Variants in COL5A2 observed in about 807,000 individuals in gnomAD.
COL5A2 encodes the protein collagen type V alpha 2 chain, also known as collagen alpha-2(V) chain.
A neutral mutation model predicts 208.2 loss-of-function variants in COL5A2; 23 were observed. That is an observed-to-expected ratio of 0.11 (90% CI 0.08 to 0.16). COL5A2 has a LOEUF of 0.16. COL5A2 is among the 10% of genes least tolerant of loss of function. The pLI is 1.00. For synonymous variants in COL5A2, 625 were observed against 628.5 expected, an observed-to-expected ratio of 0.99 and a Z score of 0.08; for missense variants, 1,590 against 1,956.4, an observed-to-expected ratio of 0.81 and a Z score of 3.53.
the COL5A2 span, among the ~76,000 whole-genome samples, chr2:189,313,157 T>A: frequency 6.0e-4 from 91 of 151,494 alleles, 2 homozygotes; most frequent in Non-Finnish European, 1.0e-3. Flanking sequence ...CAGACAAAAA[T>A]AGAGAAAAAA....
rs115471618 is a variant in COL5A2 at position 189,209,806 on chromosome 2, T to A, written c.-42+15342A>T. Among the ~76,000 whole-genome samples, 542 of 152,346 alleles carry A rather than the reference T, an allele frequency of 3.6e-3. 6 individuals carry two copies. Among genetic ancestry groups the A allele is most frequent in the African/African-American group, 0.012 (506 of 41,574 alleles). On this transcript the variant is annotated intron_variant, in intron 1 of 10. Transcript: ENST00000649966. Reference sequence around the variant, plus strand: ...AGAAAGATCAGTTTGGGGTTCCTGATAGGAATAACTAATTAATTCAGTTTT... The same window carrying A: ...AGAAAGATCAGTTTGGGGTTCCTGAAAGGAATAACTAATTAATTCAGTTTT...
chr2:189,248,870 T>TG, the COL5A2 span, among the ~76,000 whole-genome samples: 1 of 152,168 alleles, frequency 6.6e-6, no homozygotes, highest in Non-Finnish European at 1.5e-5. Flanking sequence ...CAACGTATGT[T>TG]TCTACATCAT....
chr2:189,092,342 G>T lies in COL5A2; in HGVS notation c.535C>A (p.Pro179Thr). The change falls in exon 7 of 54, where the codon CCG becomes ACG. Residue 179 changes from proline to threonine, a missense_variant. Pro to Thr is a conservative substitution (Grantham distance 38). Coordinates refer to ENST00000374866, the MANE Select transcript of COL5A2 (RefSeq NM_000393.5). ...AAGCCATCGGGTCCTGGGTGGGACGGATGTCCAGGAGGTCCTGGAGCACCA... is the reference window on the plus strand; with the variant it reads ...AAGCCATCGGGTCCTGGGTGGGACGTATGTCCAGGAGGTCCTGGAGCACCA... ...QPGAPGPPGH[P>T]SHPGPDGLSR... 3 of 1,609,794 alleles carry T rather than the reference G, an allele frequency of 1.9e-6. No individual in the cohort carries two copies. Among genetic ancestry groups the T allele is most frequent in the Non-Finnish European group, 2.5e-6 (3 of 1,177,948 alleles).
At chr2:189,232,578 A>G in the COL5A2 span, among the ~76,000 whole-genome samples, 1 of 151,750 alleles carries the variant, frequency 6.6e-6, no homozygotes, top group Admixed American at 6.6e-5. Flanking sequence ...TTTCTCCAGA[A>G]CAATATATTA....
In COL5A2 at chr2:189,085,137, G is replaced by C. The variant is rs770523676; in HGVS notation, c.798+23C>G. ...CCTTCGCCTCTTCAAAACCTGAATG[G>C]AAAATGAGGAAAGGTAGCTTACATC... On this transcript the variant is annotated intron_variant, in intron 11 of 53. Coordinates refer to ENST00000374866, the MANE Select transcript of COL5A2 (RefSeq NM_000393.5). 3 of 1,606,516 alleles carry C rather than the reference G, an allele frequency of 1.9e-6. No homozygotes were observed. The Admixed American group carries it at 5.0e-5, about 27-fold the overall frequency.
At chr2:189,428,490 C>G in the COL5A2 span, among the ~76,000 whole-genome samples, 1 of 152,110 alleles carries the variant, frequency 6.6e-6, no homozygotes, top group African/African-American at 2.4e-5. Flanking sequence ...TGGTGGCACG[C>G]ACCTGTAGTC....
chr2:189,321,742 C>T, the COL5A2 span, among the ~76,000 whole-genome samples: 3 of 152,096 alleles, frequency 2.0e-5, no homozygotes, highest in Non-Finnish European at 4.4e-5. Context: ...ACTTTAACAC[C>T]CCATTGTCAA....
chr2:189,320,163 G>T, the COL5A2 span, among the ~76,000 whole-genome samples: 3 of 152,300 alleles, frequency 2.0e-5, no homozygotes, highest in African/African-American at 4.8e-5. Context: ...AAACCCATCT[G>T]TACGTCACCA....
the COL5A2 span, among the ~76,000 whole-genome samples, chr2:189,401,045 A>ATTCTC: frequency 5.4e-5 from 2 of 37,136 alleles, no homozygotes; most frequent in South Asian, 2.2e-3. Flanking sequence ...TGTCCGAGTC[A>ATTCTC]TTCTTTTCTT....
the COL5A2 span, among the ~76,000 whole-genome samples, chr2:189,335,989 T>C: frequency 6.6e-6 from 1 of 152,128 alleles, no homozygotes; most frequent in Non-Finnish European, 1.5e-5. Flanking sequence ...GAGAATATGT[T>C]AAGAACATTT....
chr2:189,311,733 C>G, the COL5A2 span: 4 of 765,848 alleles, frequency 5.2e-6, no homozygotes. Context: ...CCTCAATCTG[C>G]TGAGACCAGT....
At chr2:189,344,303 G>A in the COL5A2 span, among the ~76,000 whole-genome samples, 4 of 152,064 alleles carry the variant, frequency 2.6e-5, no homozygotes, top group African/African-American at 9.7e-5. Context: ...AGTTTTAAAG[G>A]CCAAACCTTC....
the COL5A2 span, among the ~76,000 whole-genome samples, chr2:189,315,765 T>C: frequency 4.8e-3 from 731 of 152,166 alleles, 3 homozygotes; most frequent in South Asian, 0.012. Context: ...GTAAAATTAC[T>C]ATCAATTCTA....
the COL5A2 span, among the ~76,000 whole-genome samples, chr2:189,247,579 A>T: frequency 3.3e-5 from 5 of 149,406 alleles, no homozygotes; most frequent in Admixed American, 1.3e-4. Flanking sequence ...CAAAAAAAAA[A>T]TTTCTTTTTT....
intron 1 of COL5A2, among the ~76,000 whole-genome samples, chr2:189,147,737 A>G (rs1245462374): frequency 2.0e-5 from 3 of 152,130 alleles, no homozygotes; most frequent in African/African-American, 7.2e-5. Context: ...AACATTACCC[A>G]GAGAATGTTC....
At chr2:189,332,986 C>T in the COL5A2 span, among the ~76,000 whole-genome samples, 14 of 151,890 alleles carry the variant, frequency 9.2e-5, no homozygotes, top group Non-Finnish European at 1.3e-4. Flanking sequence ...AGAGAAATCA[C>T]GGAGAAAACT....
the COL5A2 span, among the ~76,000 whole-genome samples, chr2:189,435,465 C>A: frequency 6.6e-6 from 1 of 151,842 alleles, no homozygotes; most frequent in Non-Finnish European, 1.5e-5. Flanking sequence ...ACAAAGAACT[C>A]AAACAAATTT....
intron 16 of COL5A2, among the ~76,000 whole-genome samples, chr2:189,075,672 T>C (rs985085156): frequency 1.3e-5 from 2 of 152,098 alleles, no homozygotes; most frequent in Non-Finnish European, 2.9e-5. Context: ...ATTGAGAAAA[T>C]GAAACTGATT....
chr2:189,080,549 C>T (rs538688806), intron 13 of COL5A2, among the ~76,000 whole-genome samples: 149 of 152,134 alleles, frequency 9.8e-4, no homozygotes, highest in Non-Finnish European at 1.7e-3. Context: ...ATAGTTACAT[C>T]GTAATTATCT....
Sources: gnomAD v4.1 joint callset for allele counts (sites outside exome capture counted in the v4.1 genomes callset) on GRCh38, gnomAD v4.1.1 for gene constraint, MANE v1.5 for transcripts, NCBI Gene and HGNC (gene_info 2026-07-23, HGNC 2026-07-21) for gene names.